CTNNA3: variants seen among roughly 807,000 people sequenced by gnomAD.
The protein encoded by CTNNA3 is catenin alpha-3.
A neutral mutation model predicts 95.7 loss-of-function variants in CTNNA3; 76 were observed. The observed-to-expected ratio is 0.79, with a 90% CI of 0.66 to 0.96. The LOEUF is 0.96. Among genes scored for constraint, CTNNA3 ranks in the 40% least tolerant of loss-of-function variants. CTNNA3 has a pLI of 0.00. For synonymous variants in CTNNA3, 431 were observed against 374.4 expected, an observed-to-expected ratio of 1.15 and a Z score of -1.74; for missense variants, 1,191 against 1,089.8, an observed-to-expected ratio of 1.09 and a Z score of -1.31.
In CTNNA3 at chr10:67,722,132, T is replaced by C. The variant is rs1406999930; in HGVS notation, c.-2+41302A>G. On this transcript the variant is annotated intron_variant, in intron 1 of 17. Coordinates refer to the CTNNA3 transcript ENST00000684154. The stretch of plus-strand genomic sequence containing the variant: ...ATCTCAATGGTTCCCCTTGTTCATA[T>C]ACAAAATCAGTATTTTATCTCAGAT... Among the ~76,000 whole-genome samples, 7 of 152,186 alleles carry C rather than the reference T, an allele frequency of 4.6e-5. 1 individual carries two copies. The highest frequency in any genetic ancestry group is 4.6e-4 in the Admixed American group (7 of 15,274).
intron 7 of CTNNA3, among the ~76,000 whole-genome samples, chr10:67,096,357 T>C (rs1056254542): frequency 4.6e-5 from 7 of 151,720 alleles, no homozygotes; most frequent in Non-Finnish European, 1.0e-4. Context: ...GGGGAAAGAA[T>C]GTAAAGATGC....
At chr10:67,364,556 A>G (rs1249380671) in intron 5 of CTNNA3, among the ~76,000 whole-genome samples, 2 of 152,184 alleles carry the variant, frequency 1.3e-5, no homozygotes, top group Non-Finnish European at 2.9e-5. Flanking sequence ...ATGTACAAAA[A>G]TCACAAGCAT....
intron 1 of CTNNA3, among the ~76,000 whole-genome samples, chr10:67,664,309 G>T (rs1043075915): frequency 6.6e-6 from 1 of 151,936 alleles, no homozygotes; most frequent in South Asian, 2.1e-4. Context: ...GAACATTTGG[G>T]GCCACATTTA....
At chr10:66,937,675 C>A (rs570668882) in intron 7 of CTNNA3, among the ~76,000 whole-genome samples, 364 of 152,252 alleles carry the variant, frequency 2.4e-3, no homozygotes, top group Middle Eastern at 6.8e-3. Flanking sequence ...GCTACAACCA[C>A]CTTTATTGCC....
chr10:66,398,376 C>T (rs1289156961), intron 11 of CTNNA3, among the ~76,000 whole-genome samples: 35 of 151,900 alleles, frequency 2.3e-4, no homozygotes, highest in Non-Finnish European at 1.5e-5. Context: ...TGAAAATTGG[C>T]ATGAATAGCA....
chr10:65,975,845 A>G (rs555124752), intron 16 of CTNNA3, among the ~76,000 whole-genome samples: 1 of 152,190 alleles, frequency 6.6e-6, no homozygotes, highest in South Asian at 2.1e-4. Flanking sequence ...CTTTCAAATC[A>G]TTTTTTGTTA....
At chr10:67,717,577 C>A (rs1314894477) in intron 1 of CTNNA3, among the ~76,000 whole-genome samples, 1 of 152,170 alleles carries the variant, frequency 6.6e-6, no homozygotes, top group Non-Finnish European at 1.5e-5. Context: ...AATAGGGAAT[C>A]CTTTCCCCAT....
chr10:66,154,371 C>T (rs910258253), intron 13 of CTNNA3, among the ~76,000 whole-genome samples: 7 of 151,692 alleles, frequency 4.6e-5, no homozygotes, highest in Non-Finnish European at 8.8e-5. Flanking sequence ...ACCTACTACC[C>T]ACCCTCTCCC....
Position 66,749,808 on chromosome 10 carries a change from TACC to T in CTNNA3, c.1281+16453_1281+16455del, listed in dbSNP as rs527838513. 1.9e-3 allele frequency among the ~76,000 whole-genome samples: 295 copies of T among 152,350 alleles called. 3 individuals carry two copies. Among genetic ancestry groups the T allele is most frequent in the South Asian group, 0.014 (67 of 4,822 alleles). On this transcript the variant is annotated intron_variant, in intron 9 of 17. Coordinates refer to ENST00000433211, the MANE Select transcript of CTNNA3 (RefSeq NM_013266.4). Reference sequence around the variant, plus strand: ...GCCAAACTGTCTTCCAAAGTGGCTGTACCACCAGCAATTGCATTCCCACCAGCA... The same window carrying T: ...GCCAAACTGTCTTCCAAAGTGGCTGTACCAGCAATTGCATTCCCACCAGCA...
chr10:66,955,065 T>G (rs1218383990), intron 7 of CTNNA3, among the ~76,000 whole-genome samples: 1 of 152,206 alleles, frequency 6.6e-6, no homozygotes, highest in African/African-American at 2.4e-5. Context: ...TTTCTTATCA[T>G]ATAATACATG....
chr10:66,003,525 G>A lies in CTNNA3; in HGVS notation c.2160-14728C>T, dbSNP rs184005555. 1.7e-3 allele frequency among the ~76,000 whole-genome samples: 264 copies of A among 152,056 alleles called. 8 individuals are homozygous for A. The highest frequency in any genetic ancestry group is 0.017 in the Admixed American group (264 of 15,244). On this transcript the variant is annotated intron_variant, in intron 15 of 17. Transcript: ENST00000433211. ...AATTCATAGAAGAATTTCATGGAGGGGGAAAAATCCCAAGAAAAAACACAA... is the reference window on the plus strand; with the variant it reads ...AATTCATAGAAGAATTTCATGGAGGAGGAAAAATCCCAAGAAAAAACACAA...
chr10:66,379,422 ATAAT>A (rs1457178401), intron 11 of CTNNA3, 70 bp from the exon 12 acceptor site: 1 of 1,262,592 alleles, frequency 7.9e-7, no homozygotes, highest in African/African-American at 1.5e-5. Flanking sequence ...CTAGCATATT[ATAAT>A]TATGTTAACT....
intron 12 of CTNNA3, among the ~76,000 whole-genome samples, chr10:66,317,462 A>G (rs2092117836): frequency 6.6e-6 from 1 of 152,024 alleles, no homozygotes; most frequent in Non-Finnish European, 1.5e-5. Flanking sequence ...TCACAAGGTC[A>G]GGAGTTCAAG....
intron 6 of CTNNA3, among the ~76,000 whole-genome samples, chr10:67,198,486 G>C (rs1355445958): frequency 6.6e-6 from 1 of 152,174 alleles, no homozygotes; most frequent in Admixed American, 6.5e-5. Context: ...CTAGGATATA[G>C]AGATACTGAG....
intron 5 of CTNNA3, among the ~76,000 whole-genome samples, chr10:67,248,800 T>C (rs1866000330): frequency 6.6e-6 from 1 of 152,138 alleles, no homozygotes; most frequent in Non-Finnish European, 1.5e-5. Flanking sequence ...ATTAACAAAA[T>C]GGATCACAGA....
intron 5 of CTNNA3, among the ~76,000 whole-genome samples, chr10:67,320,379 A>T (rs543835930): frequency 6.6e-6 from 1 of 152,338 alleles, no homozygotes; most frequent in South Asian, 2.1e-4. Context: ...TGTTAACTGA[A>T]TCCTGTCAGA....
chr10:66,248,018 T>G (rs755076906), intron 13 of CTNNA3, among the ~76,000 whole-genome samples: 31 of 152,102 alleles, frequency 2.0e-4, no homozygotes, highest in Non-Finnish European at 4.3e-4. Context: ...AACTCAATGA[T>G]GAACCAATCA....
chr10:66,811,869 A>G (rs112694351), intron 7 of CTNNA3, among the ~76,000 whole-genome samples: 2,013 of 152,326 alleles, frequency 0.013, 30 homozygotes, highest in African/African-American at 0.046. Flanking sequence ...CTCTGATAGC[A>G]GAGCACTTTA....
chr10:66,022,677 T>A lies in CTNNA3; in HGVS notation c.2160-33880A>T, dbSNP rs547062342. ...GCAACCAAGCTTCCTTAGCAAGAGA[T>A]ACACAATTGCTTACCATCTGGGTTC... On this transcript the variant is annotated intron_variant, in intron 15 of 17. Transcript: ENST00000433211. Among the ~76,000 whole-genome samples, 2 of 152,036 alleles carry A rather than the reference T, an allele frequency of 1.3e-5. 1 individual carries two copies. The highest frequency in any genetic ancestry group is 4.2e-4 in the South Asian group (2 of 4,806).
Sources: gnomAD v4.1 joint callset for allele counts (sites outside exome capture counted in the v4.1 genomes callset) on GRCh38, gnomAD v4.1.1 for gene constraint, MANE v1.5 for transcripts, NCBI Gene and HGNC (gene_info 2026-07-23, HGNC 2026-07-21) for gene names.